RAB18: variants seen among roughly 807,000 people sequenced by gnomAD.
The protein encoded by RAB18 is RAB18, member RAS oncogene family, also known as ras-related protein Rab-18.
In RAB18, 10 loss-of-function variants were observed where a neutral mutation model predicts 28.5. The observed-to-expected ratio is 0.35, with a 90% CI of 0.22 to 0.60. The LOEUF (loss-of-function observed/expected upper bound fraction) is 0.60. Among genes scored for constraint, RAB18 ranks in the 20% least tolerant of loss-of-function variants. RAB18 has a pLI of 0.78. For synonymous variants in RAB18, 93 were observed against 86.9 expected, an observed-to-expected ratio of 1.07 and a Z score of -0.39; for missense variants, 188 against 244.2, an observed-to-expected ratio of 0.77 and a Z score of 1.53.
chr10:27,512,837 C>T (rs531166215), intron 2 of RAB18, among the ~76,000 whole-genome samples: 4 of 151,892 alleles, frequency 2.6e-5, no homozygotes, highest in East Asian at 1.9e-4. Flanking sequence ...CATGACAAAT[C>T]GTGGGTTGTC....
intron 3 of RAB18, among the ~76,000 whole-genome samples, chr10:27,529,108 A>G (rs1010194621): frequency 6.6e-6 from 1 of 151,934 alleles, no homozygotes; most frequent in African/African-American, 2.4e-5. Context: ...TTTGCCTTTA[A>G]AATCATGTAT....
intron 2 of RAB18, among the ~76,000 whole-genome samples, chr10:27,511,253 A>C (rs1834316676): frequency 6.6e-6 from 1 of 152,188 alleles, no homozygotes; most frequent in Admixed American, 6.5e-5. Context: ...GCTCAGGCTG[A>C]GTGCAGTGGC....
chr10:27,532,922 C>G (rs183916436), intron 4 of RAB18, among the ~76,000 whole-genome samples: 1 of 151,888 alleles, frequency 6.6e-6, no homozygotes, highest in Non-Finnish European at 1.5e-5. Context: ...TTATAAAGGA[C>G]GAAAAGTATT....
intron 2 of RAB18, among the ~76,000 whole-genome samples, chr10:27,513,555 A>G (rs184828358): frequency 2.0e-5 from 3 of 152,320 alleles, no homozygotes; most frequent in African/African-American, 7.2e-5. Flanking sequence ...TAAAGTTAGC[A>G]TTCTTCTTTC....
intron 1 of RAB18, among the ~76,000 whole-genome samples, chr10:27,507,048 A>G (rs191854861): frequency 3.3e-5 from 5 of 152,362 alleles, no homozygotes; most frequent in Admixed American, 2.6e-4. Flanking sequence ...TAAGATGAGA[A>G]TAAATGACTC....
chr10:27,539,522 G>A lies in RAB18; in HGVS notation c.*1471G>A, dbSNP rs1834977574. 1 of 379,978 alleles carries A rather than the reference G, an allele frequency of 2.6e-6. No individual in the cohort carries two copies. The highest frequency in any genetic ancestry group is 2.1e-5 in the African/African-American group (1 of 47,256). The allele number at this position is 379,978 out of a possible 1,614,324, so 23.5% of individuals were successfully genotyped here. A position where few individuals can be genotyped will look rare whatever the true frequency, so the allele number is the denominator to read the frequency against. ...GTTGAAGGTTTTATACATTCTATAT[G>A]CTTTTACTAAATATACAAGATTTAC... On this transcript the variant is annotated 3_prime_UTR_variant, in exon 7 of 7. Coordinates refer to ENST00000356940, the MANE Select transcript of RAB18 (RefSeq NM_021252.5).
intron 2 of RAB18, 89 bp from the exon 3 acceptor site, chr10:27,526,739 A>T: frequency 6.5e-7 from 1 of 1,540,846 alleles, no homozygotes; most frequent in East Asian, 2.3e-5. Context: ...ATTTGATAAT[A>T]GTGACTTTTC....
chr10:27,532,685 C>T, intron 4 of RAB18, 106 bp downstream of exon 4: 1 of 823,164 alleles, frequency 1.2e-6, no homozygotes, highest in Non-Finnish European at 2.0e-6. Flanking sequence ...GTTAGAGCTA[C>T]TTTTATGTAA....
At chr10:27,530,111 C>T (rs912976363) in intron 3 of RAB18, among the ~76,000 whole-genome samples, 1 of 151,944 alleles carries the variant, frequency 6.6e-6, no homozygotes, top group Admixed American at 6.6e-5. Context: ...CCAGAGAGAA[C>T]AAAGTTCATG....
At chr10:27,511,659 T>G (rs577610934) in intron 2 of RAB18, among the ~76,000 whole-genome samples, 1 of 152,358 alleles carries the variant, frequency 6.6e-6, no homozygotes, top group Admixed American at 6.5e-5. Flanking sequence ...TATGCAGTTT[T>G]GGCAGCAATT....
intron 5 of RAB18, 30 bp from the exon 6 acceptor site, chr10:27,533,898 C>T: frequency 6.2e-7 from 1 of 1,608,662 alleles, no homozygotes; most frequent in Non-Finnish European, 8.5e-7. Context: ...ATTTTGGTAG[C>T]CTTTCTTAAT....
chr10:27,505,566 T>G (rs1424418992), intron 1 of RAB18, among the ~76,000 whole-genome samples: 1 of 152,210 alleles, frequency 6.6e-6, no homozygotes, highest in Non-Finnish European at 1.5e-5. Flanking sequence ...ACTTATTTAT[T>G]TATTTATTTT....
intron 3 of RAB18, among the ~76,000 whole-genome samples, chr10:27,530,254 T>C (rs988733194): frequency 6.6e-5 from 10 of 152,026 alleles, no homozygotes; most frequent in African/African-American, 2.4e-4. Context: ...TCAAACTATT[T>C]GTTATGAATA....
At chr10:27,506,800 A>G (rs1837849716) in intron 1 of RAB18, among the ~76,000 whole-genome samples, 3 of 152,138 alleles carry the variant, frequency 2.0e-5, no homozygotes, top group Admixed American at 2.0e-4. Context: ...TGGATTTATC[A>G]GTCTCCCTAG....
intron 3 of RAB18, among the ~76,000 whole-genome samples, chr10:27,530,212 G>A (rs1288520256): frequency 6.6e-6 from 1 of 151,904 alleles, no homozygotes; most frequent in Non-Finnish European, 1.5e-5. Flanking sequence ...AAAAAGTCTT[G>A]GGGCTAAAAT....
chr10:27,519,790 C>T (rs1326985673), intron 2 of RAB18, among the ~76,000 whole-genome samples: 1 of 152,084 alleles, frequency 6.6e-6, no homozygotes, highest in African/African-American at 2.4e-5. Context: ...ATCAAAATCC[C>T]AGCAGGCTTT....
chr10:27,514,293 T>C (rs907234618), intron 2 of RAB18: 1 of 152,162 alleles, frequency 6.6e-6, no homozygotes, highest in Non-Finnish European at 1.5e-5. Flanking sequence ...ATAAAGAAGA[T>C]GAATATTGTG....
chr10:27,509,895 A>T lies in RAB18; in HGVS notation c.89A>T (p.Asp30Val), dbSNP rs1834291014. The change falls in exon 2 of 7, where the codon GAT (aspartate) becomes GTT (valine). Residue 30 changes from aspartate (D) to valine (V), a missense_variant. Transcript: ENST00000356940. ...TTCAGCCTGCTCTTGAGGTTCACAG[A>T]TGATACGTTTGATCCAGAACTTGCA... ...GKSSLLLRFT[D>V]DTFDPELAAT... 6.2e-7 allele frequency: 1 copy of T among 1,613,108 alleles called. No individual in the cohort carries two copies. The highest frequency in any genetic ancestry group is 1.1e-5 in the South Asian group (1 of 91,076).
At position 27,533,903 on chromosome 10, in the gene RAB18, C is replaced by G. The variant is rs780449726; in HGVS notation, c.379-25C>G. ...TTGGTTCTATATTTTGGTAGCCTTT[C>G]TTAATCATTGCATTTATATTTTAGG... is the stretch of plus-strand genomic sequence containing the variant. On this transcript the variant is annotated intron_variant, in intron 5 of 6. Transcript: ENST00000356940. The G allele has an allele frequency of 6.6e-5, 107 of 1,609,244 alleles. 1 individual carries two copies. The highest frequency in any genetic ancestry group is 6.6e-4 in the Middle Eastern group (4 of 6,066).
Sources: allele counts gnomAD v4.1 joint callset (sites outside exome capture counted in the v4.1 genomes callset), GRCh38; gene constraint gnomAD v4.1.1; transcripts MANE v1.5; gene names NCBI Gene and HGNC (gene_info 2026-07-23, HGNC 2026-07-21).